Variants in CHST3 observed in about 807,000 individuals in gnomAD.
CHST3 encodes carbohydrate sulfotransferase 3.
A neutral mutation model predicts 35.4 loss-of-function variants in CHST3; 20 were observed. The ratio of observed to expected loss-of-function variants is 0.57; its 90% CI spans 0.40 to 0.82. The LOEUF is 0.82. CHST3 is among the 40% of genes least tolerant of loss of function. The pLI, the probability that CHST3 is intolerant of heterozygous loss-of-function variation, is 0.00. For missense variants in CHST3, 693 were observed against 670.1 expected, an observed-to-expected ratio of 1.03 and a Z score of -0.38; for synonymous variants, 334 against 295.9, an observed-to-expected ratio of 1.13 and a Z score of -1.32.
intron 1 of CHST3, among the ~76,000 whole-genome samples, chr10:71,965,134 G>A (rs1036969993): frequency 6.6e-6 from 1 of 152,238 alleles, no homozygotes; most frequent in Non-Finnish European, 1.5e-5. Context: ...GCAGGAGAGA[G>A]GCTGCCTGGG....
chr10:71,982,096 A>G (rs1471162316), intron 1 of CHST3, among the ~76,000 whole-genome samples: 1 of 152,246 alleles, frequency 6.6e-6, no homozygotes, highest in Non-Finnish European at 1.5e-5. Flanking sequence ...ACCTGTGGAT[A>G]TGTGAGCTTG....
chr10:71,970,403 G>A lies in CHST3; in HGVS notation c.-108+5709G>A, dbSNP rs138230870. Among the ~76,000 whole-genome samples, 4 of 152,336 alleles carry A rather than the reference G, an allele frequency of 2.6e-5. No homozygotes were observed. The East Asian group carries it at 7.7e-4, about 29-fold the overall frequency. ...AATAAACAAGCCAGTTCCCAGTTCAGCCTCTCCTGAATGCCGCAAGTAAAC... is the reference window on the plus strand; with the variant it reads ...AATAAACAAGCCAGTTCCCAGTTCAACCTCTCCTGAATGCCGCAAGTAAAC... On this transcript the variant is annotated intron_variant, in intron 1 of 2. Coordinates refer to ENST00000373115, the MANE Select transcript of CHST3 (RefSeq NM_004273.5).
rs751067074 is a variant in CHST3 at position 72,005,927 on chromosome 10, G to T, written c.85G>T (p.Val29Phe). The stretch of plus-strand genomic sequence containing the variant: ...GAGAAGCAAATACGCCCTTTTCTTG[G>T]TTTTTGTGGTGATAGTTTTTGTCTT... Reference protein sequence around the residue: ...KMRSKYALFLVFVVIVFVFIE... With the variant: ...KMRSKYALFLFFVVIVFVFIE... The change falls in exon 2 of 3, where the codon GTT (valine) becomes TTT (phenylalanine). Residue 29 changes from valine to phenylalanine, a missense_variant. By Grantham distance (50) the Val-to-Phe change is conservative. Transcript: ENST00000373115. The T allele has an allele frequency of 8.7e-6, 14 of 1,609,156 alleles. No individual in the cohort carries two copies. The highest frequency in any genetic ancestry group is 1.7e-5 in the Admixed American group (1 of 59,856).
In CHST3 at chr10:72,008,086, C is replaced by T; in HGVS notation, c.1055C>T (p.Ala352Val). Reference sequence around the variant, plus strand: ...AACTGCGAGAGCATCCGCCTGTCCGCGGAGCTGGGGCTGCGGCAGCCCGCC... The same window carrying T: ...AACTGCGAGAGCATCCGCCTGTCCGTGGAGCTGGGGCTGCGGCAGCCCGCC... The part of the protein sequence containing the change: ...RGNCESIRLS[A>V]ELGLRQPAWL... The change falls in exon 3 of 3, where the codon GCG becomes GTG. Residue 352 changes from alanine to valine, a missense_variant. Ala to Val is a moderately conservative substitution (Grantham distance 64). Coordinates refer to ENST00000373115, the MANE Select transcript of CHST3 (RefSeq NM_004273.5). 1 of 1,545,468 alleles carries T rather than the reference C, an allele frequency of 6.5e-7. No homozygotes were observed. Among genetic ancestry groups the T allele is most frequent in the Non-Finnish European group, 8.7e-7 (1 of 1,144,000 alleles).
chr10:71,978,673 C>A (rs1839770685), intron 1 of CHST3, among the ~76,000 whole-genome samples: 2 of 152,192 alleles, frequency 1.3e-5, no homozygotes, highest in Non-Finnish European at 2.9e-5. Flanking sequence ...ACTCTTTTTG[C>A]AGATAAGCCC....
chr10:71,999,750 C>T (rs749744252), intron 1 of CHST3, among the ~76,000 whole-genome samples: 1 of 152,238 alleles, frequency 6.6e-6, no homozygotes, highest in Non-Finnish European at 1.5e-5. Context: ...GTAGAAAACT[C>T]GTTCTCTGGG....
chr10:72,001,997 C>T (rs1162532095), intron 1 of CHST3, among the ~76,000 whole-genome samples: 1 of 152,140 alleles, frequency 6.6e-6, no homozygotes, highest in Non-Finnish European at 1.5e-5. Context: ...GCTGAGTAAC[C>T]CCCATCCGGG....
At position 72,009,260 on chromosome 10, in the gene CHST3, G is replaced by A. The variant is rs1840082788; in HGVS notation, c.*789G>A. The A allele has an allele frequency of 6.6e-6, 1 of 152,180 alleles. No individual in the cohort carries two copies. Among genetic ancestry groups the A allele is most frequent in the Non-Finnish European group, 1.5e-5 (1 of 68,064 alleles). The allele number at this position is 152,180 out of a possible 1,614,324, so 9.4% of individuals were successfully genotyped here. On this transcript the variant is annotated 3_prime_UTR_variant, in exon 3 of 3. Coordinates refer to ENST00000373115, the MANE Select transcript of CHST3 (RefSeq NM_004273.5). Reference sequence around the variant, plus strand: ...TTAACATTTGTAGGATTATTTCGAGGGCAGGGCAGGGGAAAGAAACGCGTT... The same window carrying A: ...TTAACATTTGTAGGATTATTTCGAGAGCAGGGCAGGGGAAAGAAACGCGTT...
At chr10:71,997,017 G>A (rs1162256504) in intron 1 of CHST3, among the ~76,000 whole-genome samples, 3 of 152,122 alleles carry the variant, frequency 2.0e-5, no homozygotes, top group South Asian at 2.1e-4. Flanking sequence ...CGGCCTCACC[G>A]TGCCTGGCCG....
intron 1 of CHST3, among the ~76,000 whole-genome samples, chr10:71,964,936 C>T (rs56343295): frequency 0.031 from 4,662 of 152,350 alleles, 109 homozygotes; most frequent in Non-Finnish European, 0.05. Flanking sequence ...ACCCCGCACA[C>T]GGCGCAGGCT....
At chr10:71,972,299 A>C (rs1839703350) in intron 1 of CHST3, among the ~76,000 whole-genome samples, 1 of 152,130 alleles carries the variant, frequency 6.6e-6, no homozygotes, top group African/African-American at 2.4e-5. Context: ...GGCTGCACCG[A>C]GAGGAGAAAC....
At chr10:71,979,703 T>C (rs925249258) in intron 1 of CHST3, among the ~76,000 whole-genome samples, 5 of 152,200 alleles carry the variant, frequency 3.3e-5, no homozygotes, top group African/African-American at 1.2e-4. Context: ...TTTTTCTCTA[T>C]CTAAGGTAGT....
intron 1 of CHST3, among the ~76,000 whole-genome samples, chr10:72,004,037 G>T (rs1840015989): frequency 6.6e-6 from 1 of 152,144 alleles, no homozygotes; most frequent in South Asian, 2.1e-4. Flanking sequence ...TTAGCTGGGC[G>T]CAGTGATGCA....
At chr10:71,981,399 A>G (rs1259787956) in intron 1 of CHST3, among the ~76,000 whole-genome samples, 2 of 152,198 alleles carry the variant, frequency 1.3e-5, no homozygotes, top group African/African-American at 4.8e-5. Flanking sequence ...TCCAGAAGCC[A>G]GCCCTCAGCT....
At chr10:71,981,363 T>C (rs1159439218) in intron 1 of CHST3, among the ~76,000 whole-genome samples, 1 of 152,216 alleles carries the variant, frequency 6.6e-6, no homozygotes, top group Non-Finnish European at 1.5e-5. Flanking sequence ...GGGGCCTCCA[T>C]GGGCCCCTCC....
chr10:71,980,516 A>G (rs997115759), intron 1 of CHST3, among the ~76,000 whole-genome samples: 2 of 152,250 alleles, frequency 1.3e-5, no homozygotes, highest in African/African-American at 4.8e-5. Flanking sequence ...AGTTTGAGAA[A>G]TGTCACTGTT....
intron 1 of CHST3, among the ~76,000 whole-genome samples, chr10:71,970,551 G>T (rs142801910): frequency 3.9e-5 from 6 of 152,070 alleles, no homozygotes; most frequent in Admixed American, 1.3e-4. Context: ...CACACCCTCC[G>T]CTGGCCAGTC....
chr10:71,985,326 A>G (rs2131748943), intron 1 of CHST3, among the ~76,000 whole-genome samples: 1 of 152,228 alleles, frequency 6.6e-6, no homozygotes. Context: ...AACCCACACC[A>G]TGTTGTCCAG....
chr10:72,007,208 A>G lies in CHST3; in HGVS notation c.177A>G (p.Leu59=), dbSNP rs200494658. The change falls in exon 3 of 3, where the codon CTA becomes CTG. Residue 59 remains leucine (L), a synonymous_variant. Transcript: ENST00000373115. ...SDKLKQIPQA[L]ADANSTDPAL... ...AGCTGAAGCAGATTCCCCAAGCTCT[A>G]GCAGATGCCAACAGCACCGACCCAG... 6.2e-7 allele frequency: 1 copy of G among 1,614,198 alleles called. No homozygotes were observed. The highest frequency in any genetic ancestry group is 2.2e-5 in the East Asian group (1 of 44,886).
Sources: allele counts gnomAD v4.1 joint callset (sites outside exome capture counted in the v4.1 genomes callset), GRCh38; gene constraint gnomAD v4.1.1; transcripts MANE v1.5; gene names NCBI Gene and HGNC (gene_info 2026-07-23, HGNC 2026-07-21).